ZNF546: variants seen among roughly 807,000 people sequenced by gnomAD.
ZNF546 encodes the protein zinc finger protein 546.
ZNF546 carries 60 observed loss-of-function variants against 76.2 expected under a neutral mutation model. The ratio of observed to expected loss-of-function variants is 0.79; its 90% CI spans 0.64 to 0.98. The LOEUF (loss-of-function observed/expected upper bound fraction) is 0.98, where lower values mean the gene tolerates loss of function less well. Ranked by LOEUF, ZNF546 falls within the 50% of genes least tolerant of loss-of-function variation. The pLI, the probability that ZNF546 is intolerant of heterozygous loss-of-function variation, is 0.00. For missense variants in ZNF546, 936 were observed against 1,035.6 expected (o/e 0.90, Z 1.32); for synonymous variants, 277 against 328.1 (o/e 0.84, Z 1.68).
chr19:40,014,674 C>A lies in ZNF546; in HGVS notation c.1404C>A (p.Pro468=), dbSNP rs1382290676. The change falls in exon 7 of 7, where the codon CCC becomes CCA. Residue 468 remains proline, a synonymous_variant. Coordinates refer to ENST00000347077, the MANE Select transcript of ZNF546 (RefSeq NM_178544.5). ...RHHRTHTGEK[P]YECKECGKAF... Reference sequence around the variant, plus strand: ...ATAGAACTCATACTGGTGAGAAACCCTATGAATGTAAGGAATGTGGGAAGG... The same window carrying A: ...ATAGAACTCATACTGGTGAGAAACCATATGAATGTAAGGAATGTGGGAAGG... 1 of 1,612,778 alleles carries A rather than the reference C, an allele frequency of 6.2e-7. No homozygotes were observed. The highest frequency in any genetic ancestry group is 1.1e-5 in the South Asian group (1 of 90,978).
In ZNF546 at chr19:40,015,373, T is replaced by C. The variant is rs1971748713; in HGVS notation, c.2103T>C (p.Ala701=). The C allele has an allele frequency of 6.2e-7, 1 of 1,614,178 alleles. No homozygotes were observed. The highest frequency in any genetic ancestry group is 2.2e-5 in the East Asian group (1 of 44,884). Residue 701 remains alanine, a synonymous_variant, in exon 7 of 7, where the codon GCT becomes GCC. Transcript: ENST00000347077. ...KPYICNECGN[A]FICSYRLTLH... ...ACATATGTAATGAATGTGGGAATGCTTTTATTTGCAGTTATCGACTTACAT... is the reference window on the plus strand; with the variant it reads ...ACATATGTAATGAATGTGGGAATGCCTTTATTTGCAGTTATCGACTTACAT...
intron 6 of ZNF546, among the ~76,000 whole-genome samples, chr19:40,011,524 T>G (rs1439750442): frequency 1.3e-5 from 2 of 152,190 alleles, no homozygotes. Flanking sequence ...GCCCCCAGCT[T>G]TTCTAGAAAT....
chr19:40,016,245 G>C lies in ZNF546; in HGVS notation c.*464G>C, dbSNP rs1175181728. 1 of 177,956 alleles carries C rather than the reference G, an allele frequency of 5.6e-6. No individual in the cohort carries two copies. The highest frequency in any genetic ancestry group is 2.4e-5 in the African/African-American group (1 of 41,654). 11.0% of individuals were successfully genotyped at this position (177,956 alleles called of 1,614,324 possible). ...AATAAATAAATAAAATGCGGGCCAG[G>C]CACAGTGGCTCACACCTGTAATCCC... is the stretch of plus-strand genomic sequence containing the variant. On this transcript the variant is annotated 3_prime_UTR_variant, in exon 7 of 7. Coordinates refer to ENST00000347077, the MANE Select transcript of ZNF546 (RefSeq NM_178544.5).
rs1192792988 is a variant in ZNF546 at position 40,008,506 on chromosome 19, T to C, written c.335T>C (p.Leu112Ser). The change falls in exon 6 of 7, where the codon TTG (leucine) becomes TCG (serine). Residue 112 changes from leucine (L) to serine (S), a missense_variant. By Grantham distance (145) the Leu-to-Ser change is moderately radical (BLOSUM62 -2). Transcript: ENST00000347077. ...CCTAAGCCAGATGTGATTACTTTAT[T>C]GGAGCAAGAGAAAGAGCCCTGGATA... ...TIPKPDVITL[L>S]EQEKEPWIVM... 1 of 1,612,658 alleles carries C rather than the reference T, an allele frequency of 6.2e-7. No homozygotes were observed. The highest frequency in any genetic ancestry group is 8.5e-7 in the Non-Finnish European group (1 of 1,178,914).
At chr19:40,008,444 T>C (rs769912407) in intron 5 of ZNF546, 26 bp from the exon 6 acceptor site, 35 of 1,513,476 alleles carry the variant, frequency 2.3e-5, no homozygotes, top group Non-Finnish European at 3.0e-5. Flanking sequence ...TTCTATAACA[T>C]GTGTCATTTC....
chr19:40,014,894 C>T lies in ZNF546; in HGVS notation c.1624C>T (p.Arg542Ter), dbSNP rs61730562. ...CTTTCGTCTTCAAGGAGAACTTACC[C>T]GACATCACAGAATTCATACATGTGA... Reference protein sequence around the residue: ...KAFRLQGELTRHHRIHTCEKP... With the variant: ...KAFRLQGELT Residue 542 changes from arginine to a stop codon, truncating the protein, a stop_gained, in exon 7 of 7, where the codon CGA becomes TGA. Transcript: ENST00000347077. LOFTEE classifies it high-confidence loss of function. 387 of 1,602,276 alleles carry T rather than the reference C, an allele frequency of 2.4e-4. No individual in the cohort carries two copies. The highest frequency in any genetic ancestry group is 8.0e-5 in the African/African-American group (6 of 74,662).
rs199852460 is a variant in ZNF546, at chr19:40,014,565, G to T, written c.1295G>T (p.Arg432Leu). The T allele has an allele frequency of 1.1e-5, 18 of 1,613,848 alleles. No individual in the cohort carries two copies. Among genetic ancestry groups the T allele is most frequent in the Non-Finnish European group, 1.5e-5 (18 of 1,179,976 alleles). The stretch of plus-strand genomic sequence containing the variant: ...TTTCATGCAGAACTTGCTCGACATC[G>T]TAGAATTCATACTGGTGAGAAACCC... ...FSFHAELARHRRIHTGEKPYE... is the reference protein window; with the variant it reads ...FSFHAELARHLRIHTGEKPYE... The change falls in exon 7 of 7, where the codon CGT becomes CTT. Residue 432 changes from arginine to leucine, a missense_variant. Physicochemically the swap from Arg to Leu is moderately radical, Grantham distance 102. Transcript: ENST00000347077.
In ZNF546 at chr19:40,014,356, T is replaced by A. The variant is rs769129752; in HGVS notation, c.1086T>A (p.Cys362Ter). 6 of 1,613,972 alleles carry A rather than the reference T, an allele frequency of 3.7e-6. No individual in the cohort carries two copies. Among genetic ancestry groups the A allele is most frequent in the Non-Finnish European group, 5.1e-6 (6 of 1,180,010 alleles). The change falls in exon 7 of 7, where the codon TGT (cysteine) becomes TGA (stop). Residue 362 changes from cysteine (C) to a stop codon, truncating the protein, a stop_gained. Coordinates refer to ENST00000347077, the MANE Select transcript of ZNF546 (RefSeq NM_178544.5). LOFTEE classifies it high-confidence loss of function. ...AGAGGCCTTATGAATGTAAGGTTTG[T>A]GGCAAGACCTTTAGGGTACAACGAC... Reference protein sequence around the residue: ...TGERPYECKVCGKTFRVQRHI... With the variant: ...TGERPYECKV
chr19:39,998,001 C>T (rs374540104), intron 2 of ZNF546, 86 bp downstream of exon 2: 296 of 295,522 alleles, frequency 1.0e-3, no homozygotes, highest in Non-Finnish European at 1.5e-3. Context: ...AGTCATACGG[C>T]GTGGTACCAC....
rs748955217 is a variant in ZNF546, at chr19:40,015,394, T to C, written c.2124T>C (p.Leu708=). Residue 708 remains leucine (L), a synonymous_variant, in exon 7 of 7, where the codon CTT becomes CTC. Transcript: ENST00000347077. ...ATGCTTTTATTTGCAGTTATCGACTTACATTACATCAAAGAATTCACACTG... is the reference window on the plus strand; with the variant it reads ...ATGCTTTTATTTGCAGTTATCGACTCACATTACATCAAAGAATTCACACTG... The part of the protein sequence containing the change: ...CGNAFICSYR[L]TLHQRIHTGE... 6.2e-7 allele frequency: 1 copy of C among 1,614,212 alleles called. No individual in the cohort carries two copies. Among genetic ancestry groups the C allele is most frequent in the Non-Finnish European group, 8.5e-7 (1 of 1,180,022 alleles).
chr19:40,001,978 C>T (rs1829339316), intron 3 of ZNF546, among the ~76,000 whole-genome samples: 1 of 152,058 alleles, frequency 6.6e-6, no homozygotes, highest in Non-Finnish European at 1.5e-5. Flanking sequence ...CTGTTTTTAT[C>T]CCTAATTTAC....
At position 40,016,341 on chromosome 19, in the gene ZNF546, T is replaced by G. The variant is rs1393760346; in HGVS notation, c.*560T>G. ...TTCAAGACCAGCCTGGCCAACATGG[T>G]GAAACCCCTTCTCTACTAAAATACA... On this transcript the variant is annotated 3_prime_UTR_variant, in exon 7 of 7. Coordinates refer to ENST00000347077, the MANE Select transcript of ZNF546 (RefSeq NM_178544.5). The G allele has an allele frequency of 6.5e-6, 1 of 153,818 alleles. No individual in the cohort carries two copies. Among genetic ancestry groups the G allele is most frequent in the Non-Finnish European group, 1.4e-5 (1 of 69,234 alleles). The allele number at this position is 153,818 out of a possible 1,614,324, so 9.5% of individuals were successfully genotyped here. A position where few individuals can be genotyped will look rare whatever the true frequency, so the allele number is the denominator to read the frequency against.
rs1180002456 is a variant in ZNF546 at position 40,015,486 on chromosome 19, A to G, written c.2216A>G (p.His739Arg). 1.9e-6 allele frequency: 3 copies of G among 1,614,200 alleles called. No individual in the cohort carries two copies. Among genetic ancestry groups the G allele is most frequent in the South Asian group, 2.2e-5 (2 of 91,090 alleles). ...TFSRRYHLTQ[H>R]FRLHTGEKPY... ...AGTCGTCGGTATCATCTTACTCAAC[A>G]TTTTAGACTTCATACTGGTGAGAAA... Residue 739 changes from histidine to arginine, a missense_variant, in exon 7 of 7, where the codon CAT becomes CGT. His to Arg is a conservative substitution (Grantham distance 29). Transcript: ENST00000347077.
chr19:40,008,523 C>T lies in ZNF546; in HGVS notation c.352C>T (p.Pro118Ser). Residue 118 changes from proline (P) to serine (S), a missense_variant, in exon 6 of 7, where the codon CCC (proline) becomes TCC (serine). By Grantham distance (74) the Pro-to-Ser change is moderately conservative. Transcript: ENST00000347077. ...VITLLEQEKE[P>S]WIVMREGTRN... ...TACTTTATTGGAGCAAGAGAAAGAG[C>T]CCTGGATAGTAATGAGGGAAGGGAC... The T allele has an allele frequency of 6.2e-7, 1 of 1,612,420 alleles. No homozygotes were observed. Among genetic ancestry groups the T allele is most frequent in the Middle Eastern group, 1.7e-4 (1 of 6,050 alleles).
intron 3 of ZNF546, among the ~76,000 whole-genome samples, chr19:40,004,686 T>G (rs995774900): frequency 1.3e-5 from 2 of 152,186 alleles, no homozygotes; most frequent in Non-Finnish European, 2.9e-5. Context: ...CTCTCTCAGT[T>G]TCTGCCTGTC....
intron 3 of ZNF546, among the ~76,000 whole-genome samples, chr19:40,001,626 T>G (rs1971531403): frequency 6.6e-6 from 1 of 152,164 alleles, no homozygotes; most frequent in Admixed American, 6.5e-5. Context: ...CCTCCCAAAG[T>G]GCTGGGATTA....
rs114290052 is a variant in ZNF546, at chr19:40,007,284, C to T, written c.182C>T (p.Ala61Val). The change falls in exon 5 of 7, where the codon GCA (alanine) becomes GTA (valine). Residue 61 changes from alanine to valine, a missense_variant. Coordinates refer to ENST00000347077, the MANE Select transcript of ZNF546 (RefSeq NM_178544.5). ...GSKTMANVSL[A>V]FRDVSIDLSQ... ...GGCTTGTCATTTCAGGTATCTTTGG[C>T]ATTTAGGGATGTGTCCATAGACCTC... 1,261 of 1,544,302 alleles carry T rather than the reference C, an allele frequency of 8.2e-4. 7 individuals carry two copies. The African/African-American group carries it at 0.014, about 17-fold the overall frequency.
rs1411127350 is a variant in ZNF546, at chr19:40,019,227, T to C, written c.*3446T>C. On this transcript the variant is annotated 3_prime_UTR_variant, in exon 7 of 7. Coordinates refer to ENST00000347077, the MANE Select transcript of ZNF546 (RefSeq NM_178544.5). ...TGCTCAGTGAAAAATCAGTAACCTG[T>C]TAATATATTCAGGAAACAAATATTG... is the stretch of plus-strand genomic sequence containing the variant. 1 of 152,200 alleles carries C rather than the reference T, an allele frequency of 6.6e-6. No individual in the cohort carries two copies. Among genetic ancestry groups the C allele is most frequent in the African/African-American group, 2.4e-5 (1 of 41,458 alleles). The allele number at this position is 152,200 out of a possible 1,614,324, so 9.4% of individuals were successfully genotyped here. A position where few individuals can be genotyped will look rare whatever the true frequency, so the allele number is the denominator to read the frequency against.
In ZNF546 at chr19:40,008,247, CCT is replaced by C. The variant is rs543501041; in HGVS notation, c.299-222_299-221del. Among the ~76,000 whole-genome samples the C allele has an allele frequency of 2.2e-3, 320 of 142,346 alleles. 1 individual carries two copies. Among genetic ancestry groups the C allele is most frequent in the African/African-American group, 8.8e-3 (286 of 32,380 alleles). 93.4% of individuals were successfully genotyped at this position (142,346 alleles called of 152,430 possible). A position where few individuals can be genotyped will look rare whatever the true frequency, so the allele number is the denominator to read the frequency against. On this transcript the variant is annotated intron_variant, in intron 5 of 6. Coordinates refer to ENST00000347077, the MANE Select transcript of ZNF546 (RefSeq NM_178544.5). ...ATACTGCCGTTAACAGCAAAGCAGA[CCT>C]TTTCGCTCTCTCACCTTGTCTCTTT...
Sources: gnomAD v4.1 joint callset for allele counts (sites outside exome capture counted in the v4.1 genomes callset) on GRCh38, gnomAD v4.1.1 for gene constraint, MANE v1.5 for transcripts, NCBI Gene and HGNC (gene_info 2026-07-23, HGNC 2026-07-21) for gene names.